The following SYN3 variants were observed in gnomAD, a reference collection of about 807,000 sequenced individuals.
The protein encoded by SYN3 is synapsin-3.
Under a neutral mutation model 65.8 loss-of-function variants are expected in SYN3, and 35 were observed. The observed-to-expected ratio is 0.53, with a 90% CI of 0.41 to 0.70. The LOEUF is 0.70. SYN3 is among the 30% of genes least tolerant of loss of function. SYN3 has a pLI of 0.00. For missense variants in SYN3, 680 were observed against 749.0 expected, an observed-to-expected ratio of 0.91 and a Z score of 1.08; for synonymous variants, 270 against 292.9, an observed-to-expected ratio of 0.92 and a Z score of 0.80.
chr22:32,790,914 A>C (rs2046311827), intron 6 of SYN3, among the ~76,000 whole-genome samples: 1 of 152,186 alleles, frequency 6.6e-6, no homozygotes, highest in East Asian at 1.9e-4. Flanking sequence ...ATGAACAAAG[A>C]CCTAAGATGT....
At chr22:32,615,978 A>G (rs1442664678) in intron 6 of SYN3, among the ~76,000 whole-genome samples, 1 of 152,236 alleles carries the variant, frequency 6.6e-6, no homozygotes, top group Non-Finnish European at 1.5e-5. Flanking sequence ...CCAAGCTGCA[A>G]GATCCTCCCT....
chr22:32,636,420 A>G (rs1241353398), intron 6 of SYN3, among the ~76,000 whole-genome samples: 1 of 106,718 alleles, frequency 9.4e-6, no homozygotes, highest in African/African-American at 2.8e-5. Context: ...AAAAAAAAAG[A>G]AAAGAAAAGA....
At chr22:32,831,994 G>A (rs2047587273) in intron 6 of SYN3, among the ~76,000 whole-genome samples, 2 of 152,220 alleles carry the variant, frequency 1.3e-5, no homozygotes, top group African/African-American at 4.8e-5. Flanking sequence ...CATTGTTACA[G>A]ATCAGCAATG....
intron 2 of SYN3, among the ~76,000 whole-genome samples, chr22:33,005,227 G>C (rs921048597): frequency 1.4e-4 from 21 of 152,110 alleles, no homozygotes; most frequent in African/African-American, 4.8e-4. Flanking sequence ...CTACTATGTG[G>C]CCACCTTTGG....
intron 7 of SYN3, among the ~76,000 whole-genome samples, chr22:32,572,313 C>CCCTTCCCTTCCTTCCGT (rs2058775267): frequency 2.1e-5 from 2 of 96,722 alleles, no homozygotes; most frequent in Non-Finnish European, 4.2e-5. Context: ...CTCCCTTACT[C>CCCTTCCCTTCCTTCCGT]CCTTCCCTTC....
chr22:32,677,153 T>C (rs2060457430), intron 6 of SYN3, among the ~76,000 whole-genome samples: 1 of 152,180 alleles, frequency 6.6e-6, no homozygotes, highest in Non-Finnish European at 1.5e-5. Context: ...TGGAGGAGCT[T>C]ACCAGAAGCT....
chr22:32,889,363 C>T (rs925618868), intron 4 of SYN3, among the ~76,000 whole-genome samples: 6 of 151,386 alleles, frequency 4.0e-5, no homozygotes, highest in South Asian at 2.1e-4. Flanking sequence ...CTAAAGCTTC[C>T]GGAATGGGGT....
chr22:32,922,815 C>T (rs756335298), intron 4 of SYN3, among the ~76,000 whole-genome samples: 130 of 152,260 alleles, frequency 8.5e-4, no homozygotes, highest in Middle Eastern at 3.4e-3. Context: ...CTGCACACAC[C>T]ACACAGACTG....
intron 1 of SYN3, chr22:33,014,628 A>T (rs1428229392): frequency 6.6e-6 from 1 of 152,314 alleles, no homozygotes; most frequent in East Asian, 1.9e-4. Flanking sequence ...TAAAAATATA[A>T]TATTAGCCAG....
intron 6 of SYN3, among the ~76,000 whole-genome samples, chr22:32,778,449 C>T (rs1472480851): frequency 8.5e-6 from 1 of 117,474 alleles, no homozygotes; most frequent in East Asian, 2.3e-4. Context: ...CCACCATGTC[C>T]AGCTAATTTT....
intron 2 of SYN3, among the ~76,000 whole-genome samples, chr22:32,992,616 C>T (rs2052752546): frequency 6.6e-6 from 1 of 152,120 alleles, no homozygotes; most frequent in South Asian, 2.1e-4. Flanking sequence ...AGTTCAAGAC[C>T]AGCCTGACCA....
chr22:32,994,037 C>T (rs80050536), intron 2 of SYN3, among the ~76,000 whole-genome samples: 7,800 of 152,180 alleles, frequency 0.051, 652 homozygotes, highest in African/African-American at 0.18. Context: ...CCCTCCTCCC[C>T]GAAAGAGCTG....
chr22:32,712,616 T>C (rs1388941491), intron 6 of SYN3, among the ~76,000 whole-genome samples: 2 of 152,180 alleles, frequency 1.3e-5, no homozygotes, highest in Non-Finnish European at 2.9e-5. Flanking sequence ...AACTCTGTTG[T>C]GGCATTTCTG....
intron 2 of SYN3, among the ~76,000 whole-genome samples, chr22:33,005,915 A>G (rs1601889201): frequency 6.6e-6 from 1 of 152,242 alleles, no homozygotes; most frequent in East Asian, 1.9e-4. Context: ...TATGGTGAAT[A>G]TACCATATTT....
chr22:33,033,797 C>T (rs1232330291), intron 1 of SYN3, among the ~76,000 whole-genome samples: 3 of 152,086 alleles, frequency 2.0e-5, no homozygotes, highest in Non-Finnish European at 2.9e-5. Context: ...TAGGTGCAGA[C>T]GAGGGAACAG....
At chr22:32,545,690 A>T (rs149906475) in intron 7 of SYN3, among the ~76,000 whole-genome samples, 18 of 152,272 alleles carry the variant, frequency 1.2e-4, no homozygotes, top group African/African-American at 4.1e-4. Context: ...CCTCTCAAGT[A>T]GCTGGGACTA....
At chr22:32,849,564 A>G (rs1236792400) in intron 6 of SYN3, 1 of 1,603,096 alleles carries the variant, frequency 6.2e-7, no homozygotes, top group Non-Finnish European at 8.5e-7. Context: ...TGGCTCCGGG[A>G]AGGTTTTTGG....
At chr22:32,932,518 G>T (rs1272497664) in intron 3 of SYN3, among the ~76,000 whole-genome samples, 1 of 152,186 alleles carries the variant, frequency 6.6e-6, no homozygotes, top group African/African-American at 2.4e-5. Flanking sequence ...GAAAACCAGG[G>T]TGGAGAGAGA....
intron 4 of SYN3, among the ~76,000 whole-genome samples, chr22:32,915,204 TGGCAC>T: frequency 6.6e-6 from 1 of 152,302 alleles, no homozygotes; most frequent in Admixed American, 6.5e-5. Flanking sequence ...CAAACCACCA[TGGCAC>T]ATGTATACCT....
Sources: gnomAD v4.1 joint callset for allele counts (sites outside exome capture counted in the v4.1 genomes callset) on GRCh38, gnomAD v4.1.1 for gene constraint, MANE v1.5 for transcripts, NCBI Gene and HGNC (gene_info 2026-07-23, HGNC 2026-07-21) for gene names.